AGBL4: variants seen among roughly 807,000 people sequenced by gnomAD.
AGBL4 encodes AGBL carboxypeptidase 4, also known as cytosolic carboxypeptidase 6.
In AGBL4, 58 loss-of-function variants were observed where a neutral mutation model predicts 66.4. The observed-to-expected ratio is 0.87, with a 90% CI of 0.71 to 1.09. AGBL4 has a LOEUF of 1.09. Among genes scored for constraint, AGBL4 ranks in the 50% least tolerant of loss-of-function variants. The probability of loss-of-function intolerance (pLI) is 0.00; values close to 1 mark genes in which losing one functional copy is unlikely to be tolerated. For missense variants in AGBL4, 579 were observed against 631.0 expected, an observed-to-expected ratio of 0.92 and a Z score of 0.88; for synonymous variants, 234 against 222.9, an observed-to-expected ratio of 1.05 and a Z score of -0.44.
At chr1:49,461,825 T>C (rs1304911693) in intron 3 of AGBL4, among the ~76,000 whole-genome samples, 1 of 151,834 alleles carries the variant, frequency 6.6e-6, no homozygotes, top group Non-Finnish European at 1.5e-5. Flanking sequence ...CTCCATAGTA[T>C]TCCATTATGT....
At chr1:49,010,109 T>C (rs2149004207) in intron 5 of AGBL4, among the ~76,000 whole-genome samples, 1 of 152,330 alleles carries the variant, frequency 6.6e-6, no homozygotes, top group Admixed American at 6.5e-5. Context: ...GCAGACGACA[T>C]GATTGTATAT....
intron 6 of AGBL4, among the ~76,000 whole-genome samples, chr1:48,798,165 G>A (rs1222298258): frequency 6.6e-6 from 1 of 151,972 alleles, no homozygotes; most frequent in African/African-American, 2.4e-5. Flanking sequence ...TTAAATTATG[G>A]CCATTCTTGC....
chr1:49,293,276 C>T (rs936373103), intron 3 of AGBL4, among the ~76,000 whole-genome samples: 1 of 152,186 alleles, frequency 6.6e-6, no homozygotes, highest in South Asian at 2.1e-4. Flanking sequence ...CACTCCTTGC[C>T]ACTCCACGCC....
intron 3 of AGBL4, among the ~76,000 whole-genome samples, chr1:49,579,842 T>C (rs1644507658): frequency 6.6e-6 from 1 of 152,196 alleles, no homozygotes; most frequent in African/African-American, 2.4e-5. Flanking sequence ...TGGTCTAAAG[T>C]CCAATTTAAG....
chr1:49,801,193 C>CA (rs1644853138), intron 2 of AGBL4, among the ~76,000 whole-genome samples: 1 of 152,246 alleles, frequency 6.6e-6, no homozygotes, highest in East Asian at 1.9e-4. Context: ...CTCCATTTAA[C>CA]AAAAAACTTT....
intron 3 of AGBL4, among the ~76,000 whole-genome samples, chr1:49,268,718 C>G (rs1201614968): frequency 6.6e-6 from 1 of 152,128 alleles, no homozygotes; most frequent in Non-Finnish European, 1.5e-5. Context: ...CTTTTGTTAT[C>G]ATTTTATAAT....
chr1:48,929,778 G>A (rs1188189412), intron 5 of AGBL4, among the ~76,000 whole-genome samples: 3 of 152,150 alleles, frequency 2.0e-5, no homozygotes, highest in Non-Finnish European at 4.4e-5. Context: ...TAATTTCCTA[G>A]AGATTCTCCA....
chr1:49,417,836 A>T (rs915990411), intron 3 of AGBL4, among the ~76,000 whole-genome samples: 12 of 152,176 alleles, frequency 7.9e-5, no homozygotes, highest in Non-Finnish European at 1.5e-5. Flanking sequence ...AACAGTCAGT[A>T]GTTTAAAGCT....
intron 4 of AGBL4, among the ~76,000 whole-genome samples, chr1:49,172,733 G>C (rs1010496055): frequency 6.6e-6 from 1 of 152,164 alleles, no homozygotes; most frequent in Non-Finnish European, 1.5e-5. Flanking sequence ...TTCGTTGTTG[G>C]GTTCTGAAAA....
At chr1:49,188,697 G>T (rs543381677) in intron 4 of AGBL4, among the ~76,000 whole-genome samples, 1 of 152,134 alleles carries the variant, frequency 6.6e-6, no homozygotes, top group Non-Finnish European at 1.5e-5. Context: ...AAGCAACTTG[G>T]TACATCAGTA....
At chr1:48,628,860 C>A (rs1026278678) in intron 9 of AGBL4, among the ~76,000 whole-genome samples, 30 of 121,904 alleles carry the variant, frequency 2.5e-4, no homozygotes, top group African/African-American at 9.4e-4. Context: ...CTCTTTCAGC[C>A]CCACGTTTCC....
intron 3 of AGBL4, among the ~76,000 whole-genome samples, chr1:49,287,880 C>G (rs1175178876): frequency 7.4e-6 from 1 of 134,380 alleles, no homozygotes; most frequent in African/African-American, 2.8e-5. Flanking sequence ...ACCCAAAGGA[C>G]TATAAATCAT....
chr1:48,682,855 C>T (rs548045556), intron 6 of AGBL4, among the ~76,000 whole-genome samples: 1 of 152,328 alleles, frequency 6.6e-6, no homozygotes, highest in Non-Finnish European at 1.5e-5. Context: ...ATGAGGATCA[C>T]AACCCTTGTC....
At chr1:49,192,903 CAT>C (rs1647149737) in intron 4 of AGBL4, among the ~76,000 whole-genome samples, 1 of 152,182 alleles carries the variant, frequency 6.6e-6, no homozygotes, top group South Asian at 2.1e-4. Context: ...ATTTCCTACT[CAT>C]TATTGGTCTG....
chr1:48,685,138 A>G (rs1226337505), intron 6 of AGBL4, among the ~76,000 whole-genome samples: 1 of 152,238 alleles, frequency 6.6e-6, no homozygotes, highest in East Asian at 1.9e-4. Context: ...TCTGGTAGGA[A>G]TGAGGCCCCA....
intron 3 of AGBL4, among the ~76,000 whole-genome samples, chr1:49,304,214 A>G (rs1318092388): frequency 1.3e-5 from 2 of 152,196 alleles, no homozygotes; most frequent in Non-Finnish European, 2.9e-5. Flanking sequence ...CAGTTTTCCC[A>G]GCACCATTTA....
intron 9 of AGBL4, among the ~76,000 whole-genome samples, chr1:48,606,356 C>T (rs1645153868): frequency 6.6e-6 from 1 of 152,130 alleles, no homozygotes; most frequent in Non-Finnish European, 1.5e-5. Context: ...ACTAAAATTC[C>T]TGTCTCTTAG....
chr1:49,309,643 C>T (rs1383590828), intron 3 of AGBL4, among the ~76,000 whole-genome samples: 1 of 151,360 alleles, frequency 6.6e-6, no homozygotes, highest in East Asian at 1.9e-4. Context: ...TGTGTATGTA[C>T]TGTAAGTAGC....
chr1:49,958,129 G>C (rs547332282), intron 1 of AGBL4, among the ~76,000 whole-genome samples: 1 of 152,078 alleles, frequency 6.6e-6, no homozygotes, highest in East Asian at 1.9e-4. Context: ...AGCTTAGTTT[G>C]GCTGGATATG....
Sources: allele counts gnomAD v4.1 joint callset (sites outside exome capture counted in the v4.1 genomes callset), GRCh38; gene constraint gnomAD v4.1.1; transcripts MANE v1.5; gene names NCBI Gene and HGNC (gene_info 2026-07-23, HGNC 2026-07-21).